Variants in FBXL20 observed in about 807,000 individuals in gnomAD.
FBXL20 encodes the protein F-box and leucine rich repeat protein 20, also known as F-box/LRR-repeat protein 20.
A neutral mutation model predicts 64.0 loss-of-function variants in FBXL20; 11 were observed. The ratio of observed to expected loss-of-function variants is 0.17; its 90% CI spans 0.11 to 0.28. FBXL20 has a LOEUF of 0.28. FBXL20 is among the 10% of genes least tolerant of loss of function. The pLI, the probability that FBXL20 is intolerant of heterozygous loss-of-function variation, is 1.00. For synonymous variants in FBXL20, 184 were observed against 189.0 expected (o/e 0.97, Z 0.22); for missense variants, 303 against 526.2 (o/e 0.58, Z 4.15).
chr17:39,376,296 T>A (rs1369308515), intron 1 of FBXL20, among the ~76,000 whole-genome samples: 1 of 152,092 alleles, frequency 6.6e-6, no homozygotes, highest in Non-Finnish European at 1.5e-5. Flanking sequence ...ACTGCTAAAG[T>A]AGGTACCCTG....
chr17:39,333,067 A>C (rs2047478150), intron 2 of FBXL20, among the ~76,000 whole-genome samples: 1 of 151,724 alleles, frequency 6.6e-6, no homozygotes, highest in Non-Finnish European at 1.5e-5. Context: ...CCTCCCAAGT[A>C]GCTCAGATTA....
chr17:39,378,876 G>A (rs2144650502), intron 1 of FBXL20, among the ~76,000 whole-genome samples: 1 of 151,374 alleles, frequency 6.6e-6, no homozygotes, highest in East Asian at 2.0e-4. Context: ...CTCTCAAAGT[G>A]CTGGGATTAC....
intron 1 of FBXL20, among the ~76,000 whole-genome samples, chr17:39,357,783 A>T (rs1307992619): frequency 6.6e-6 from 1 of 152,226 alleles, no homozygotes; most frequent in African/African-American, 2.4e-5. Context: ...CTCTGAAATT[A>T]ACTTCTGCTC....
At chr17:39,335,532 G>A (rs2047512038) in intron 2 of FBXL20, among the ~76,000 whole-genome samples, 1 of 138,882 alleles carries the variant, frequency 7.2e-6, no homozygotes, top group Non-Finnish European at 1.5e-5. Context: ...GCAGTGAGCC[G>A]AGATCATGCC....
intron 1 of FBXL20, among the ~76,000 whole-genome samples, chr17:39,376,347 G>A (rs187383592): frequency 9.0e-4 from 137 of 152,256 alleles, no homozygotes; most frequent in African/African-American, 3.1e-3. Flanking sequence ...TTTAGTCACT[G>A]CTGACTGAGG....
chr17:39,378,176 C>T (rs2047986924), intron 1 of FBXL20, among the ~76,000 whole-genome samples: 1 of 152,114 alleles, frequency 6.6e-6, no homozygotes. Flanking sequence ...CCAGAGTTGC[C>T]ACATTATAAT....
intron 2 of FBXL20, among the ~76,000 whole-genome samples, chr17:39,329,020 T>A (rs2047435887): frequency 6.6e-6 from 1 of 152,164 alleles, no homozygotes; most frequent in African/African-American, 2.4e-5. Context: ...GCAACTGCAC[T>A]TCAGCCTGGG....
At chr17:39,364,259 A>T (rs747429987) in intron 1 of FBXL20, among the ~76,000 whole-genome samples, 2 of 152,048 alleles carry the variant, frequency 1.3e-5, no homozygotes, top group African/African-American at 2.4e-5. Flanking sequence ...CCTTCAAAAG[A>T]TGGGGTTTAT....
At chr17:39,276,338 G>A (rs2144371416) in intron 9 of FBXL20, among the ~76,000 whole-genome samples, 1 of 149,840 alleles carries the variant, frequency 6.7e-6, no homozygotes, top group South Asian at 2.1e-4. Context: ...GGAAGGAAGG[G>A]AAGGAAGAGA....
rs188881035 is a variant in FBXL20 at position 39,391,384 on chromosome 17, C to T, written c.42+9977G>A. ...ATGTAAGCAAAGAAATCTAAGAACA[C>T]TGGCAATAAACTGACTATCTAATCT... On this transcript the variant is annotated intron_variant, in intron 1 of 14. Transcript: ENST00000264658. Among the ~76,000 whole-genome samples the T allele has an allele frequency of 4.2e-4, 64 of 152,078 alleles. No individual in the cohort carries two copies. The East Asian group carries it at 0.011, about 25-fold the overall frequency.
intron 6 of FBXL20, among the ~76,000 whole-genome samples, chr17:39,292,800 T>G (rs1428732758): frequency 6.6e-6 from 1 of 151,268 alleles, no homozygotes; most frequent in East Asian, 1.9e-4. Context: ...AATTTTTTTT[T>G]TTTTTTTTGA....
Position 39,401,242 on chromosome 17 carries a change from C to G in FBXL20, c.42+119G>C, listed in dbSNP as rs894636772. 3.2e-6 allele frequency: 5 copies of G among 1,570,660 alleles called. No individual in the cohort carries two copies. In the African/African-American group the frequency reaches 5.4e-5, roughly 17 times the overall value. On this transcript the variant is annotated intron_variant, in intron 1 of 14. Transcript: ENST00000264658. The stretch of plus-strand genomic sequence containing the variant: ...AGAAAGGGGAGCGGAGTCTGGCAGC[C>G]CCGCCAGTGGGTGGGTGACGGCGCC...
Position 39,303,638 on chromosome 17 carries a change from T to C in FBXL20, c.106A>G (p.Ile36Val). 2.5e-6 allele frequency: 4 copies of C among 1,607,710 alleles called. No homozygotes were observed. The highest frequency in any genetic ancestry group is 3.4e-6 in the Non-Finnish European group (4 of 1,177,108). Reference protein sequence around the residue: ...KKLPKELLLRIFSFLDVVTLC... With the variant: ...KKLPKELLLRVFSFLDVVTLC... ...GTAACAACATCTAGAAAAGAAAATA[T>C]CCTAAAAAGAAAAGAGAGAAAGACA... The change falls in exon 3 of 15, where the codon ATA (isoleucine) becomes GTA (valine). Residue 36 changes from isoleucine (I) to valine (V), a missense_variant and splice_region_variant. Transcript: ENST00000264658.
At chr17:39,333,770 T>C (rs1051800682) in intron 2 of FBXL20, among the ~76,000 whole-genome samples, 4 of 145,560 alleles carry the variant, frequency 2.7e-5, no homozygotes, top group African/African-American at 1.0e-4. Context: ...CCGTCTGAGA[T>C]GTGAAGAGTG....
At chr17:39,276,434 G>A (rs1219079693) in intron 9 of FBXL20, among the ~76,000 whole-genome samples, 1 of 151,570 alleles carries the variant, frequency 6.6e-6, no homozygotes, top group East Asian at 2.0e-4. Flanking sequence ...ACTTTGGGAG[G>A]CGGAGGCGGG....
chr17:39,392,030 G>C (rs142959011), intron 1 of FBXL20, among the ~76,000 whole-genome samples: 1 of 152,014 alleles, frequency 6.6e-6, no homozygotes, highest in South Asian at 2.1e-4. Flanking sequence ...CCCAGCTATC[G>C]GGAGGCTGAG....
intron 1 of FBXL20, among the ~76,000 whole-genome samples, chr17:39,391,847 GAAA>G (rs748502324): frequency 7.3e-6 from 1 of 136,772 alleles, no homozygotes; most frequent in Non-Finnish European, 1.6e-5. Context: ...CTCTAAAAAG[GAAA>G]AAAAAAAAAA....
chr17:39,355,284 GGGAGGCTGAGGTGGGTGGACTGTTTGA>G (rs1404818315), intron 1 of FBXL20, among the ~76,000 whole-genome samples: 1 of 151,632 alleles, frequency 6.6e-6, no homozygotes, highest in African/African-American at 2.4e-5. Flanking sequence ...CCAGCACTTT[GGGAGGCTGAGGTGGGTGGACTGTTTGA>G]GCCCCTAAGG....
At chr17:39,329,542 G>A (rs1037062396) in intron 2 of FBXL20, among the ~76,000 whole-genome samples, 3 of 152,044 alleles carry the variant, frequency 2.0e-5, no homozygotes, top group Non-Finnish European at 2.9e-5. Flanking sequence ...GCCAATGCTC[G>A]TTATCTTCAC....
Sources: gnomAD v4.1 joint callset for allele counts (sites outside exome capture counted in the v4.1 genomes callset) on GRCh38, gnomAD v4.1.1 for gene constraint, MANE v1.5 for transcripts, NCBI Gene and HGNC (gene_info 2026-07-23, HGNC 2026-07-21) for gene names.